The following KDM2A variants were observed in gnomAD, a reference collection of about 807,000 sequenced individuals.
KDM2A encodes the protein lysine-specific demethylase 2A.
Under a neutral mutation model 137.3 loss-of-function variants are expected in KDM2A, and 3 were observed. That is an observed-to-expected ratio of 0.02 (90% CI 0.01 to 0.06). The LOEUF is 0.06. KDM2A is among the 10% of genes least tolerant of loss of function. The probability of loss-of-function intolerance (pLI) is 1.00; values close to 1 mark genes in which losing one functional copy is unlikely to be tolerated. For synonymous variants in KDM2A, 512 were observed against 541.5 expected, an observed-to-expected ratio of 0.95 and a Z score of 0.76; for missense variants, 738 against 1,510.6, an observed-to-expected ratio of 0.49 and a Z score of 8.48.
chr11:67,232,294 C>T (rs1858740527), intron 12 of KDM2A, among the ~76,000 whole-genome samples: 1 of 152,116 alleles, frequency 6.6e-6, no homozygotes, highest in South Asian at 2.1e-4. Flanking sequence ...TGAGATAAAA[C>T]TCAGGACAAA....
At chr11:67,216,997 A>C (rs148531929) in intron 8 of KDM2A, among the ~76,000 whole-genome samples, 86 of 152,244 alleles carry the variant, frequency 5.6e-4, no homozygotes, top group African/African-American at 1.9e-3. Flanking sequence ...GTAATCCAAC[A>C]CTTTGGGAGG....
intron 5 of KDM2A, among the ~76,000 whole-genome samples, chr11:67,189,027 G>T (rs1218682634): frequency 6.6e-6 from 1 of 152,064 alleles, no homozygotes; most frequent in Non-Finnish European, 1.5e-5. Flanking sequence ...CAGAAAATAA[G>T]TAAGGAAATA....
At chr11:67,167,008 A>T (rs902744565) in intron 2 of KDM2A, among the ~76,000 whole-genome samples, 2 of 152,130 alleles carry the variant, frequency 1.3e-5, no homozygotes, top group African/African-American at 4.8e-5. Context: ...AACCTGGGAG[A>T]CGGAGGTTGC....
intron 2 of KDM2A, among the ~76,000 whole-genome samples, chr11:67,154,661 A>G (rs1451252895): frequency 6.6e-6 from 1 of 151,152 alleles, no homozygotes; most frequent in African/African-American, 2.4e-5. Flanking sequence ...CTAGTCTCGA[A>G]CTCTTGGCCT....
intron 10 of KDM2A, among the ~76,000 whole-genome samples, chr11:67,220,984 C>T (rs1201183556): frequency 6.8e-6 from 1 of 146,692 alleles, no homozygotes; most frequent in Non-Finnish European, 1.5e-5. Flanking sequence ...AACCTTGTTA[C>T]TATTAATACG....
intron 8 of KDM2A, chr11:67,217,511 C>T (rs967440970): frequency 1.8e-5 from 10 of 551,574 alleles, no homozygotes; most frequent in African/African-American, 5.7e-5. Flanking sequence ...TATAGTCAAA[C>T]CCAAGGGAAG....
At chr11:67,200,934 C>G (rs1221274444) in intron 5 of KDM2A, among the ~76,000 whole-genome samples, 1 of 152,040 alleles carries the variant, frequency 6.6e-6, no homozygotes, top group African/African-American at 2.4e-5. Context: ...TGGCTCACAC[C>G]TGTAATCCCA....
intron 2 of KDM2A, among the ~76,000 whole-genome samples, chr11:67,127,903 A>G (rs1173975284): frequency 6.7e-6 from 1 of 149,542 alleles, no homozygotes; most frequent in African/African-American, 2.5e-5. Context: ...ACGGGGTTTC[A>G]CCATGTTAGC....
intron 2 of KDM2A, among the ~76,000 whole-genome samples, chr11:67,166,847 C>T (rs138065693): frequency 4.8e-4 from 73 of 152,194 alleles, no homozygotes; most frequent in Non-Finnish European, 9.3e-4. Flanking sequence ...AAGGCCAAGG[C>T]GGGCGGATCA....
chr11:67,248,397 T>A, intron 16 of KDM2A, 27 bp downstream of exon 16: 1 of 1,521,758 alleles, frequency 6.6e-7, no homozygotes, highest in Non-Finnish European at 9.0e-7. Context: ...AGATTTGCAC[T>A]GTGACAGAAA....
chr11:67,196,229 A>G (rs1470381652), intron 5 of KDM2A: 1 of 456,180 alleles, frequency 2.2e-6, no homozygotes. Context: ...CTTGCAGCCC[A>G]TGAGCCTCAG....
intron 2 of KDM2A, among the ~76,000 whole-genome samples, chr11:67,161,868 G>A (rs1409155107): frequency 6.6e-6 from 1 of 152,124 alleles, no homozygotes; most frequent in East Asian, 1.9e-4. Flanking sequence ...AGGACTAAGG[G>A]AATGTATATT....
intron 2 of KDM2A, among the ~76,000 whole-genome samples, chr11:67,136,604 G>A (rs542674237): frequency 5.3e-5 from 8 of 152,208 alleles, no homozygotes; most frequent in Non-Finnish European, 1.2e-4. Context: ...TTGAGATTGA[G>A]TGATCAGTGA....
Position 67,245,988 on chromosome 11 carries a change from A to C in KDM2A, c.1837A>C (p.Arg613=), listed in dbSNP as rs780834905. Residue 613 remains arginine, a synonymous_variant, in exon 15 of 21, where the codon AGA becomes CGA. Transcript: ENST00000529006. The surrounding 1 kb of genome is among the most constrained non-coding windows in gnomAD (Gnocchi z 4.1). ...SCVLRQCLAP[R]LPHSVTCSLC... ...TTCTATCTTTGTCCTCTTGTAGCCC[A>C]GACTGCCTCACTCAGTCACATGTTC... The C allele has an allele frequency of 1.9e-6, 3 of 1,613,986 alleles. No individual in the cohort carries two copies. Among genetic ancestry groups the C allele is most frequent in the Non-Finnish European group, 2.5e-6 (3 of 1,179,850 alleles).
At chr11:67,198,666 C>T (rs1175930420) in intron 5 of KDM2A, among the ~76,000 whole-genome samples, 3 of 149,510 alleles carry the variant, frequency 2.0e-5, no homozygotes, top group Admixed American at 6.6e-5. Context: ...GCTGAGATCC[C>T]GCCACTGCAC....
At chr11:67,191,476 C>T (rs1248248950) in intron 5 of KDM2A, among the ~76,000 whole-genome samples, 2 of 152,088 alleles carry the variant, frequency 1.3e-5, no homozygotes, top group African/African-American at 4.8e-5. Flanking sequence ...AATTCAGCAG[C>T]ATATTAAAAG....
At chr11:67,127,660 C>G (rs1045333363) in intron 2 of KDM2A, among the ~76,000 whole-genome samples, 1 of 152,058 alleles carries the variant, frequency 6.6e-6, no homozygotes, top group Non-Finnish European at 1.5e-5. Flanking sequence ...AGTGCCTCCC[C>G]AAATTCAGCA....
chr11:67,208,539 G>T (rs1857882180), intron 6 of KDM2A, among the ~76,000 whole-genome samples: 2 of 152,038 alleles, frequency 1.3e-5, no homozygotes, highest in African/African-American at 2.4e-5. Context: ...GGGATCCGAG[G>T]TAGGCGGATC....
At chr11:67,136,162 T>C (rs1338085662) in intron 2 of KDM2A, among the ~76,000 whole-genome samples, 1 of 152,208 alleles carries the variant, frequency 6.6e-6, no homozygotes, top group Non-Finnish European at 1.5e-5. Flanking sequence ...ACTGTGTGCT[T>C]GGTACTGGCA....
Sources: gnomAD v4.1 joint callset for allele counts (sites outside exome capture counted in the v4.1 genomes callset) on GRCh38, gnomAD v4.1.1 for gene constraint, Gnocchi (gnomAD v3.1) non-coding constraint, MANE v1.5 for transcripts, NCBI Gene and HGNC (gene_info 2026-07-23, HGNC 2026-07-21) for gene names.